Variants in PCDH11X observed in about 807,000 individuals in gnomAD.
PCDH11X encodes protocadherin-11 X-linked.
A neutral mutation model predicts 53.3 loss-of-function variants in PCDH11X; 18 were observed. The observed-to-expected ratio is 0.34, with a 90% confidence interval of 0.23 to 0.50. PCDH11X has a LOEUF of 0.50. Ranked by LOEUF, PCDH11X falls within the 20% of genes least tolerant of loss-of-function variation. The pLI, the probability that PCDH11X is intolerant of heterozygous loss-of-function variation, is 0.98. For synonymous variants in PCDH11X, 279 were observed against 393.3 expected (o/e 0.71, Z 3.44); for missense variants, 570 against 1,032.4 (o/e 0.55, Z 6.14).
chrX:91,948,476 A>T (rs1314420391), intron 6 of PCDH11X, among the ~76,000 whole-genome samples: 1 of 109,909 alleles, frequency 9.1e-6, no homozygotes, highest in South Asian at 3.9e-4. Context: ...TTGCTCTGAC[A>T]ATGTACCTTG....
intron 6 of PCDH11X, among the ~76,000 whole-genome samples, chrX:92,200,363 G>A (rs1405458644): frequency 9.0e-6 from 1 of 111,596 alleles, no homozygotes; most frequent in Non-Finnish European, 1.9e-5. Context: ...AAAACAGTAA[G>A]GATGTTCCTG....
chrX:91,998,749 T>A (rs2062460278), intron 6 of PCDH11X, among the ~76,000 whole-genome samples: 1 of 110,777 alleles, frequency 9.0e-6, no homozygotes, highest in South Asian at 3.7e-4. Flanking sequence ...TTCCTCTCCA[T>A]CCAAATTATA....
At chrX:92,128,342 G>T in intron 6 of PCDH11X, among the ~76,000 whole-genome samples, 1 of 106,555 alleles carries the variant, frequency 9.4e-6, no homozygotes, top group African/African-American at 3.4e-5. Flanking sequence ...AGAAAAGAAA[G>T]ACACAAATAA....
intron 10 of PCDH11X, among the ~76,000 whole-genome samples, chrX:92,511,126 C>T (rs1348255064): frequency 3.6e-5 from 4 of 111,750 alleles, no homozygotes; most frequent in East Asian, 2.8e-4. Flanking sequence ...TATGCAATCT[C>T]ACTGGAGAGA....
In PCDH11X at chrX:92,263,968, G is replaced by A. The variant is rs189310224; in HGVS notation, c.3144+825G>A. ...TTCCCTTAAATTTCTGACAGAAGACGTTTTGAATATTAAATTCAGTAAGCC... is the reference window on the plus strand; with the variant it reads ...TTCCCTTAAATTTCTGACAGAAGACATTTTGAATATTAAATTCAGTAAGCC... On this transcript the variant is annotated intron_variant, in intron 8 of 10. Coordinates refer to ENST00000682573, the MANE Select transcript of PCDH11X (RefSeq NM_032968.5). Among the ~76,000 whole-genome samples, 15 of 112,010 alleles carry A rather than the reference G, an allele frequency of 1.3e-4. No individual in the cohort carries two copies. In the South Asian group the frequency reaches 4.1e-3, roughly 30 times the overall value.
chrX:91,823,903 G>A (rs1260356092), intron 4 of PCDH11X, among the ~76,000 whole-genome samples: 5 of 110,486 alleles, frequency 4.5e-5, no homozygotes, highest in African/African-American at 1.3e-4. Flanking sequence ...TTGCTTGTCT[G>A]TAAAGTATTT....
intron 8 of PCDH11X, among the ~76,000 whole-genome samples, chrX:92,263,682 G>A (rs2067766150): frequency 8.9e-6 from 1 of 111,820 alleles, no homozygotes; most frequent in African/African-American, 3.2e-5. Flanking sequence ...AAAAGTAATT[G>A]TGGTTTTTGC....
At chrX:91,958,826 A>G (rs889085602) in intron 6 of PCDH11X, among the ~76,000 whole-genome samples, 1 of 108,396 alleles carries the variant, frequency 9.2e-6, no homozygotes, top group Non-Finnish European at 1.9e-5. Flanking sequence ...CACCTTTGTA[A>G]ACTGTTACTT....
At chrX:92,079,260 A>C (rs2063819881) in intron 6 of PCDH11X, among the ~76,000 whole-genome samples, 1 of 111,922 alleles carries the variant, frequency 8.9e-6, no homozygotes, top group Admixed American at 9.5e-5. Context: ...CTACTCTCTA[A>C]AATTTACTTG....
rs1056001562 is a variant in PCDH11X, at chrX:92,296,618, T to G, written c.3144+33475T>G. Among the ~76,000 whole-genome samples, 38 of 111,021 alleles carry G rather than the reference T, an allele frequency of 3.4e-4. 1 individual carries two copies. The highest frequency in any genetic ancestry group is 1.2e-3 in the African/African-American group (37 of 30,433). ...GCTGCATAGTATTCCATGATACCTA[T>G]GTACCACATTGTTTTAATCCAGTAT... On this transcript the variant is annotated intron_variant, in intron 8 of 10. Coordinates refer to ENST00000682573, the MANE Select transcript of PCDH11X (RefSeq NM_032968.5).
chrX:91,862,094 A>G (rs1052891773), intron 5 of PCDH11X, among the ~76,000 whole-genome samples: 7 of 109,052 alleles, frequency 6.4e-5, no homozygotes, highest in African/African-American at 2.4e-4. Flanking sequence ...TGATTTTTGT[A>G]TCTGGGTAAT....
At chrX:92,020,016 C>T (rs1277272128) in intron 6 of PCDH11X, among the ~76,000 whole-genome samples, 1 of 112,204 alleles carries the variant, frequency 8.9e-6, no homozygotes, top group Admixed American at 9.4e-5. Flanking sequence ...AGTGAATGTG[C>T]TACCCAGCCT....
intron 7 of PCDH11X, among the ~76,000 whole-genome samples, chrX:92,230,366 T>A (rs766265641): frequency 1.0e-5 from 1 of 98,343 alleles, no homozygotes; most frequent in African/African-American, 3.7e-5. Context: ...ATTGTTTTAT[T>A]TTTGTTTTGT....
chrX:91,932,973 TTCC>T (rs2061407127), intron 6 of PCDH11X, among the ~76,000 whole-genome samples: 1 of 105,474 alleles, frequency 9.5e-6, no homozygotes, highest in Non-Finnish European at 2.0e-5. Context: ...TTAATTTTGA[TTCC>T]TTTACCTTTG....
At chrX:92,453,968 A>G (rs1003797475) in intron 9 of PCDH11X, among the ~76,000 whole-genome samples, 36 of 105,365 alleles carry the variant, frequency 3.4e-4, no homozygotes, top group African/African-American at 1.2e-3. Context: ...CTGTACTTGT[A>G]TAAAGATAAT....
chrX:92,400,452 G>A (rs746597650), intron 9 of PCDH11X, among the ~76,000 whole-genome samples: 1 of 110,022 alleles, frequency 9.1e-6, no homozygotes, highest in South Asian at 3.9e-4. Flanking sequence ...TGAATGTGGG[G>A]TGCTGGACTG....
chrX:92,212,006 C>CTTTT (rs56939635), intron 7 of PCDH11X, among the ~76,000 whole-genome samples: 7,425 of 64,174 alleles, frequency 0.12, 698 homozygotes, highest in African/African-American at 0.15. Flanking sequence ...ACTTGCAATG[C>CTTTT]TTTTTTTTTT....
At chrX:91,822,231 A>T (rs1208369445) in intron 4 of PCDH11X, among the ~76,000 whole-genome samples, 5 of 109,132 alleles carry the variant, frequency 4.6e-5, no homozygotes, top group African/African-American at 1.7e-4. Context: ...ATTGATTGGA[A>T]TAGTTTCAGA....
intron 6 of PCDH11X, among the ~76,000 whole-genome samples, chrX:92,130,102 C>T (rs1247942696): frequency 9.0e-6 from 1 of 111,072 alleles, no homozygotes; most frequent in Non-Finnish European, 1.9e-5. Context: ...GTAATATATG[C>T]ACATATGTAA....
Sources: gnomAD v4.1 joint callset for allele counts (sites outside exome capture counted in the v4.1 genomes callset) on GRCh38, gnomAD v4.1.1 for gene constraint, MANE v1.5 for transcripts, NCBI Gene and HGNC (gene_info 2026-07-23, HGNC 2026-07-21) for gene names.